NLRP7: variants seen among roughly 807,000 people sequenced by gnomAD.
The protein encoded by NLRP7 is NLR family pyrin domain containing 7.
NLRP7 carries 72 observed loss-of-function variants against 85.5 expected under a neutral mutation model. The observed-to-expected ratio is 0.84, with a 90% confidence interval of 0.70 to 1.02. The LOEUF is 1.02. Among genes scored for constraint, NLRP7 ranks in the 50% least tolerant of loss-of-function variants. NLRP7 has a pLI of 0.00. For missense variants in NLRP7, 1,243 were observed against 1,219.5 expected (o/e 1.02, Z -0.29); for synonymous variants, 550 against 505.2 (o/e 1.09, Z -1.19).
intron 1 of NLRP7, among the ~76,000 whole-genome samples, chr19:54,944,928 T>G (rs766386531): frequency 1.3e-5 from 2 of 152,062 alleles, no homozygotes; most frequent in Non-Finnish European, 2.9e-5. Flanking sequence ...TGACAACGCT[T>G]GATGTACTTA....
At chr19:54,950,873 T>C (rs2069646238), upstream of NLRP7, among the ~76,000 whole-genome samples, 2 of 152,192 alleles carry the variant, frequency 1.3e-5, no homozygotes, top group South Asian at 4.1e-4. Context: ...TCCCTTCCCA[T>C]GAGACCATAT....
intron 6 of NLRP7, 62 bp downstream of exon 6, chr19:54,936,199 C>T (rs2068916282): frequency 2.1e-6 from 3 of 1,460,092 alleles, no homozygotes; most frequent in Non-Finnish European, 2.9e-6. Context: ...TTTCCTAGAT[C>T]CCCCAGCAAC....
chr19:54,948,632 G>A (rs2069572021), upstream of NLRP7, among the ~76,000 whole-genome samples: 1 of 152,018 alleles, frequency 6.6e-6, no homozygotes, highest in Admixed American at 6.6e-5. Context: ...GTGCAGTGGT[G>A]CAATCTCCAT....
chr19:54,940,319 C>T (rs897053373), exon 4 of NLRP7: 26 of 1,614,086 alleles, frequency 1.6e-5, no homozygotes, highest in Non-Finnish European at 2.2e-5. Context: ...TGTTAGCTTC[C>T]TGGGTGTTCT....
chr19:54,958,672 G>A (rs1055969713), intron 1 of NLRP7, among the ~76,000 whole-genome samples: 50 of 151,816 alleles, frequency 3.3e-4, no homozygotes, highest in Admixed American at 2.6e-3. Context: ...ATAACTAGTG[G>A]CCAGGCACAG....
intron 4 of NLRP7, 42 bp from the exon 5 acceptor site, chr19:54,938,283 C>CA (rs757461856): frequency 1.3e-6 from 2 of 1,546,522 alleles, no homozygotes; most frequent in African/African-American, 2.7e-5. Flanking sequence ...CTAGTACCTG[C>CA]ATGGTGAGAT....
intron 1 of NLRP7, among the ~76,000 whole-genome samples, chr19:54,943,397 C>T (rs1056140426): frequency 4.6e-5 from 7 of 151,992 alleles, no homozygotes; most frequent in South Asian, 2.1e-4. Context: ...GTCAGGAGAT[C>T]GAGACCATCC....
rs539492840 is a variant in NLRP7 at position 54,934,297 on chromosome 19, G to A, written c.2471+192C>T. Among the ~76,000 whole-genome samples, 14 of 152,170 alleles carry A rather than the reference G, an allele frequency of 9.2e-5. 1 individual carries two copies. Among genetic ancestry groups the A allele is most frequent in the Non-Finnish European group, 1.8e-4 (12 of 68,010 alleles). On this transcript the variant is annotated intron_variant, in intron 7 of 9. Coordinates refer to ENST00000340844, the Ensembl canonical transcript of NLRP7. The surrounding 1 kb of genome is among the most constrained non-coding windows in gnomAD (Gnocchi z 6.7). ...TCACCATGTTGGCCAGGTTGGTCTCGAACTCCTGAACTCAGATGATCCGCC... is the reference window on the plus strand; with the variant it reads ...TCACCATGTTGGCCAGGTTGGTCTCAAACTCCTGAACTCAGATGATCCGCC...
intron 1 of NLRP7, among the ~76,000 whole-genome samples, chr19:54,963,864 A>G (rs2070167840): frequency 6.7e-6 from 1 of 150,202 alleles, no homozygotes; most frequent in East Asian, 2.0e-4. Flanking sequence ...ACATGAAAAA[A>G]AGCTATAAAA....
At chr19:54,941,610 G>C (rs139841269) in exon 2 of NLRP7, 3 of 1,613,970 alleles carry the variant, frequency 1.9e-6, no homozygotes, top group Non-Finnish European at 1.7e-6. Context: ...GCACGTCTTC[G>C]AGGGGAAAAG....
chr19:54,950,540 G>A (rs749980154), upstream of NLRP7, among the ~76,000 whole-genome samples: 10 of 152,124 alleles, frequency 6.6e-5, no homozygotes, highest in African/African-American at 1.9e-4. Context: ...AGATAAACAC[G>A]TTAACAAAGG....
rs1203601749 is a variant in NLRP7, at chr19:54,934,478, A to G, written c.2471+11T>C. ...CTAAACCAGAGCTGCCCATGGGAAG[A>G]GGAGACTTACGACAACATCTGCAGG... On this transcript the variant is annotated intron_variant, in intron 7 of 9. Coordinates refer to ENST00000340844, the Ensembl canonical transcript of NLRP7. The surrounding 1 kb of genome is among the most constrained non-coding windows in gnomAD (Gnocchi z 6.7). The G allele has an allele frequency of 3.1e-6, 5 of 1,614,008 alleles. No homozygotes were observed. The highest frequency in any genetic ancestry group is 2.2e-5 in the East Asian group (1 of 44,872).
chr19:54,957,115 G>A lies in NLRP7; in HGVS notation c.-77+8925C>T, dbSNP rs138697045. Among the ~76,000 whole-genome samples, 797 of 151,896 alleles carry A rather than the reference G, an allele frequency of 5.2e-3. 7 individuals carry two copies. The highest frequency in any genetic ancestry group is 0.018 in the African/African-American group (754 of 41,440). ...TGGCCCACTGCAACCTCCACCTCCC[G>A]GGTTCAAGTAATCCTCCTGTCTCAG... On this transcript the variant is annotated intron_variant, in intron 1 of 2. Transcript: ENST00000587103.
At chr19:54,943,004 A>G in intron 1 of NLRP7, among the ~76,000 whole-genome samples, 1 of 151,636 alleles carries the variant, frequency 6.6e-6, no homozygotes, top group Admixed American at 6.6e-5. Context: ...AAAGCTAGCC[A>G]AGTGTAGTGG....
chr19:54,964,634 C>T (rs1347228142), intron 1 of NLRP7, among the ~76,000 whole-genome samples: 2 of 151,324 alleles, frequency 1.3e-5, no homozygotes, highest in East Asian at 4.0e-4. Flanking sequence ...ACCAGCCTGG[C>T]CAGCATGGCA....
At position 54,925,556 on chromosome 19, in the gene NLRP7, G is replaced by C. The variant is rs569285741; in HGVS notation, c.2811-1684C>G. ...CACAGTGGCTCACGCCTGCAATCCG[G>C]GTACTTTGTGAGGCCAAGACAGGAG... On this transcript the variant is annotated intron_variant, in intron 9 of 9. Coordinates refer to ENST00000340844, the Ensembl canonical transcript of NLRP7. 4.1e-3 allele frequency among the ~76,000 whole-genome samples: 624 copies of C among 152,030 alleles called. 5 individuals carry two copies. Among genetic ancestry groups the C allele is most frequent in the Admixed American group, 7.6e-3 (116 of 15,244 alleles).
chr19:54,959,783 T>C (rs2069977518), intron 1 of NLRP7, among the ~76,000 whole-genome samples: 1 of 151,964 alleles, frequency 6.6e-6, no homozygotes, highest in African/African-American at 2.4e-5. Flanking sequence ...CATCCTCTCA[T>C]GGATGTCTGT....
At chr19:54,935,123 C>T (rs941135574) in intron 6 of NLRP7, among the ~76,000 whole-genome samples, 1 of 152,160 alleles carries the variant, frequency 6.6e-6, no homozygotes, top group African/African-American at 2.4e-5. Context: ...CTTCAAGTAT[C>T]CCCATGGCCA....
chr19:54,957,058 A>G (rs1283558840), intron 1 of NLRP7, among the ~76,000 whole-genome samples: 1 of 151,522 alleles, frequency 6.6e-6, no homozygotes, highest in Non-Finnish European at 1.5e-5. Flanking sequence ...GTCTCCCTCT[A>G]TCTCCCAGGC....
Sources: gnomAD v4.1 joint callset for allele counts (sites outside exome capture counted in the v4.1 genomes callset) on GRCh38, gnomAD v4.1.1 for gene constraint, Gnocchi (gnomAD v3.1) non-coding constraint, MANE v1.5 for transcripts, NCBI Gene and HGNC (gene_info 2026-07-23, HGNC 2026-07-21) for gene names.